CATSPERG: variants seen among roughly 807,000 people sequenced by gnomAD.
The protein encoded by CATSPERG is cation channel sperm-associated auxiliary subunit gamma.
A neutral mutation model predicts 145.0 loss-of-function variants in CATSPERG; 115 were observed. That is an observed-to-expected ratio of 0.79 (90% CI 0.68 to 0.93). The LOEUF is 0.93. CATSPERG is among the 40% of genes least tolerant of loss of function. The pLI is 0.00. For synonymous variants in CATSPERG, 588 were observed against 589.0 expected (o/e 1.00, Z 0.02); for missense variants, 1,296 against 1,490.1 (o/e 0.87, Z 2.14).
chr19:38,337,198 G>A (rs769234581), intron 1 of CATSPERG, 23 bp from the exon 2 acceptor site: 3 of 1,545,838 alleles, frequency 1.9e-6, no homozygotes, highest in South Asian at 2.4e-5. Flanking sequence ...CGGCGCGTGG[G>A]TGTTGACTCC....
chr19:38,367,293 C>G lies in CATSPERG; in HGVS notation c.2751C>G (p.Pro917=), dbSNP rs753333348. Residue 917 remains proline (P), a synonymous_variant, in exon 23 of 29, where the codon CCC becomes CCG. Transcript: ENST00000409235. Reference sequence around the variant, plus strand: ...GCGTTAACGTGAACCCGGAGATGCCCTGCTTTCTCTTCCGGGACAGTGTGT... The same window carrying G: ...GCGTTAACGTGAACCCGGAGATGCCGTGCTTTCTCTTCCGGGACAGTGTGT... The part of the protein sequence containing the change: ...FDCVNVNPEM[P]CFLFRDIFYP... 3.7e-6 allele frequency: 6 copies of G among 1,612,618 alleles called. No homozygotes were observed. Among genetic ancestry groups the G allele is most frequent in the Non-Finnish European group, 5.1e-6 (6 of 1,179,836 alleles).
In CATSPERG at chr19:38,367,617, G is replaced by A. The variant is rs376642381; in HGVS notation, c.2834+45G>A. 3.7e-6 allele frequency: 6 copies of A among 1,612,314 alleles called. No homozygotes were observed. In the Admixed American group the frequency reaches 6.7e-5, roughly 18 times the overall value. On this transcript the variant is annotated intron_variant, in intron 24 of 28. Coordinates refer to ENST00000409235, the MANE Select transcript of CATSPERG (RefSeq NM_021185.5). ...GCAGCTAGGGCAGGTGGAGGGAGTG[G>A]AAGGAGATGGGTGCAGGACTCGAGA...
At chr19:38,339,844 G>A (rs916904267) in intron 3 of CATSPERG, among the ~76,000 whole-genome samples, 8 of 150,436 alleles carry the variant, frequency 5.3e-5, no homozygotes, top group South Asian at 2.1e-4. Flanking sequence ...TCCCAATGCC[G>A]TTTGGTGAGA....
chr19:38,367,155 G>A lies in CATSPERG; in HGVS notation c.2614-1G>A, dbSNP rs1173206983. ...TGTGAGCCTTTTTTCCTCCCACCGA[G>A]GGCAACCTGATGGTGCCAGTGTTCA... On this transcript the variant is annotated splice_acceptor_variant, in intron 22 of 28. Coordinates refer to ENST00000409235, the MANE Select transcript of CATSPERG (RefSeq NM_021185.5). LOFTEE classifies it high-confidence loss of function. The A allele has an allele frequency of 1.9e-6, 3 of 1,611,966 alleles. No homozygotes were observed. The highest frequency in any genetic ancestry group is 1.1e-5 in the South Asian group (1 of 90,852).
intron 8 of CATSPERG, among the ~76,000 whole-genome samples, chr19:38,353,626 G>A (rs1202800515): frequency 6.7e-6 from 1 of 149,148 alleles, no homozygotes; most frequent in Non-Finnish European, 1.5e-5. Flanking sequence ...GAACCCGGGA[G>A]GCGGAGCTTG....
At chr19:38,355,044 T>C (rs1014674924) in intron 9 of CATSPERG, among the ~76,000 whole-genome samples, 197 bp downstream of exon 9, 3 of 152,160 alleles carry the variant, frequency 2.0e-5, no homozygotes, top group African/African-American at 7.2e-5. Flanking sequence ...ATGATGTACT[T>C]GGTTTTAAAG....
At chr19:38,362,639 G>C in intron 19 of CATSPERG, 65 bp downstream of exon 19, 1 of 1,607,262 alleles carries the variant, frequency 6.2e-7, no homozygotes, top group Non-Finnish European at 8.5e-7. Context: ...TGGGAGCCTG[G>C]GGGGCGGGGA....
intron 9 of CATSPERG, 65 bp downstream of exon 9, chr19:38,354,912 C>G (rs1395305421): frequency 6.4e-7 from 1 of 1,557,428 alleles, no homozygotes; most frequent in Non-Finnish European, 8.7e-7. Context: ...TCCGAGAATT[C>G]TAACCTTGGG....
At chr19:38,353,990 CAAAAAAAAA>C (rs965226814) in intron 8 of CATSPERG, among the ~76,000 whole-genome samples, 5 of 30,556 alleles carry the variant, frequency 1.6e-4, no homozygotes, top group African/African-American at 5.5e-4. Flanking sequence ...GACTCTGTCT[CAAAAAAAAA>C]AAAAAAAAAA....
At chr19:38,344,847 AC>A (rs974422603) in intron 6 of CATSPERG, among the ~76,000 whole-genome samples, 16 of 131,920 alleles carry the variant, frequency 1.2e-4, no homozygotes, top group African/African-American at 4.3e-4. Context: ...ATATACCTGT[AC>A]ATGAACAGAC....
At position 38,352,295 on chromosome 19, in the gene CATSPERG, A is replaced by G; in HGVS notation, c.860A>G (p.Tyr287Cys). 1 of 1,551,298 alleles carries G rather than the reference A, an allele frequency of 6.4e-7. No homozygotes were observed. Among genetic ancestry groups the G allele is most frequent in the Non-Finnish European group, 8.7e-7 (1 of 1,147,016 alleles). The part of the protein sequence containing the change: ...SIDSCWVGSF[Y>C]CPHSGFTATI... Reference sequence around the variant, plus strand: ...GACAGTTGCTGGGTGGGCTCCTTCTACTGCCCCCATTCTGGCTTCACAGCC... The same window carrying G: ...GACAGTTGCTGGGTGGGCTCCTTCTGCTGCCCCCATTCTGGCTTCACAGCC... Residue 287 changes from tyrosine (Y) to cysteine (C), a missense_variant, in exon 8 of 29, where the codon TAC becomes TGC. By Grantham distance (194) the Tyr-to-Cys change is radical. Transcript: ENST00000409235.
At chr19:38,352,229 C>T in intron 7 of CATSPERG, 32 bp from the exon 8 acceptor site, 1 of 1,548,416 alleles carries the variant, frequency 6.5e-7, no homozygotes, top group South Asian at 1.2e-5. Flanking sequence ...GCCAAGGCCA[C>T]CTGCTCACCA....
chr19:38,356,643 T>A, intron 10 of CATSPERG, 99 bp from the exon 11 acceptor site: 1 of 1,585,386 alleles, frequency 6.3e-7, no homozygotes, highest in Non-Finnish European at 8.6e-7. Flanking sequence ...GAATGGGCAG[T>A]GTCTTAGGGA....
intron 16 of CATSPERG, among the ~76,000 whole-genome samples, 179 bp downstream of exon 16, chr19:38,361,022 T>C (rs373074655): frequency 6.6e-6 from 1 of 151,784 alleles, no homozygotes; most frequent in East Asian, 1.9e-4. Context: ...GGGGGGAAGG[T>C]GCATCAGGGA....
At chr19:38,340,802 G>C (rs770133956) in intron 3 of CATSPERG, among the ~76,000 whole-genome samples, 7 of 151,856 alleles carry the variant, frequency 4.6e-5, no homozygotes, top group Non-Finnish European at 5.9e-5. Context: ...ATTAGACAGG[G>C]TCTCACTATG....
At chr19:38,357,156 G>C (rs1443386068) in intron 11 of CATSPERG, among the ~76,000 whole-genome samples, 2 of 152,136 alleles carry the variant, frequency 1.3e-5, no homozygotes, top group African/African-American at 4.8e-5. Flanking sequence ...AGAGGAGACA[G>C]GTCCTGTGCC....
At chr19:38,350,898 A>G (rs1036555053) in intron 7 of CATSPERG, among the ~76,000 whole-genome samples, 4 of 152,182 alleles carry the variant, frequency 2.6e-5, no homozygotes, top group Admixed American at 1.3e-4. Context: ...CTGAGGCAAG[A>G]TAATCGCTGG....
At position 38,358,570 on chromosome 19, in the gene CATSPERG, C is replaced by T. The variant is rs1970288014; in HGVS notation, c.1496+9C>T. The T allele has an allele frequency of 3.1e-6, 5 of 1,613,988 alleles. No homozygotes were observed. Among genetic ancestry groups the T allele is most frequent in the Non-Finnish European group, 4.2e-6 (5 of 1,179,990 alleles). ...AACTTCCTCCTGCAGAGGTGGGCCTCTACCACCCCTGGGTGGGCCAGGCAT... is the reference window on the plus strand; with the variant it reads ...AACTTCCTCCTGCAGAGGTGGGCCTTTACCACCCCTGGGTGGGCCAGGCAT... On this transcript the variant is annotated intron_variant, in intron 13 of 28. Transcript: ENST00000409235.
intron 3 of CATSPERG, chr19:38,337,995 G>T (rs1319685622): frequency 4.3e-6 from 1 of 232,712 alleles, no homozygotes; most frequent in Non-Finnish European, 8.6e-6. Context: ...GGGATTACAG[G>T]TGTGAGCCAC....
Sources: gnomAD v4.1 joint callset for allele counts (sites outside exome capture counted in the v4.1 genomes callset) on GRCh38, gnomAD v4.1.1 for gene constraint, MANE v1.5 for transcripts, NCBI Gene and HGNC (gene_info 2026-07-23, HGNC 2026-07-21) for gene names.